LOC128125817: variants seen among roughly 807,000 people sequenced by gnomAD.
At chr1:41,598,153 C>T in the LOC128125817 span, among the ~76,000 whole-genome samples, 1 of 152,126 alleles carries the variant, frequency 6.6e-6, no homozygotes, top group African/African-American at 2.4e-5. Context: ...TTGCGCAGGC[C>T]CAGCAGGCTT....
the LOC128125817 span, among the ~76,000 whole-genome samples, chr1:41,611,875 T>G: frequency 1.4e-4 from 22 of 152,314 alleles, no homozygotes; most frequent in East Asian, 3.9e-3. Flanking sequence ...GCCTGGGAAC[T>G]CCGGTTGCCT....
the LOC128125817 span, among the ~76,000 whole-genome samples, chr1:41,622,889 G>A: frequency 6.6e-6 from 1 of 152,234 alleles, no homozygotes; most frequent in Admixed American, 6.5e-5. Flanking sequence ...GTTGCTATGT[G>A]CCCACACTGG....
At chr1:41,628,105 A>T in the LOC128125817 span, among the ~76,000 whole-genome samples, 1 of 152,186 alleles carries the variant, frequency 6.6e-6, no homozygotes, top group Non-Finnish European at 1.5e-5. Context: ...ATATAAACAT[A>T]AGCTGATACC....
the LOC128125817 span, among the ~76,000 whole-genome samples, chr1:41,602,003 T>C: frequency 6.6e-6 from 1 of 152,020 alleles, no homozygotes; most frequent in Non-Finnish European, 1.5e-5. Context: ...GAGATGCTCA[T>C]GTGATTTTAA....
chr1:41,628,792 G>C, the LOC128125817 span: 10 of 1,231,958 alleles, frequency 8.1e-6, no homozygotes, highest in Non-Finnish European at 1.0e-5. Flanking sequence ...CTGAAACGCT[G>C]TTCTCTCTGA....
chr1:41,593,226 C>T, the LOC128125817 span, among the ~76,000 whole-genome samples: 1 of 152,192 alleles, frequency 6.6e-6, no homozygotes, highest in African/African-American at 2.4e-5. Flanking sequence ...ATCTCCCTGT[C>T]CCCACATGCC....
At chr1:41,600,796 T>G in the LOC128125817 span, among the ~76,000 whole-genome samples, 1 of 152,180 alleles carries the variant, frequency 6.6e-6, no homozygotes, top group Admixed American at 6.5e-5. Flanking sequence ...TCCCCTATGT[T>G]TTCTTCTAGA....
the LOC128125817 span, among the ~76,000 whole-genome samples, chr1:41,603,322 C>A: frequency 6.6e-6 from 1 of 152,002 alleles, no homozygotes; most frequent in African/African-American, 2.4e-5. Context: ...CCCACCTCGG[C>A]CTCCCAAAGC....
chr1:41,622,744 C>T, the LOC128125817 span, among the ~76,000 whole-genome samples: 6 of 152,152 alleles, frequency 3.9e-5, no homozygotes, highest in Non-Finnish European at 7.3e-5. Flanking sequence ...CTATCACTCT[C>T]GGATCATGCT....
chr1:41,592,976 CA>C, the LOC128125817 span, among the ~76,000 whole-genome samples: 3 of 152,202 alleles, frequency 2.0e-5, no homozygotes, highest in Non-Finnish European at 4.4e-5. Flanking sequence ...TCACCACCTC[CA>C]CCCCTGTCCC....
chr1:41,607,778 G>A, the LOC128125817 span, among the ~76,000 whole-genome samples: 2 of 152,160 alleles, frequency 1.3e-5, no homozygotes, highest in African/African-American at 2.4e-5. Flanking sequence ...TGGCTTAGAC[G>A]AGACAGTTTA....
the LOC128125817 span, among the ~76,000 whole-genome samples, chr1:41,590,672 T>C: frequency 6.6e-6 from 1 of 152,122 alleles, no homozygotes; most frequent in Non-Finnish European, 1.5e-5. Flanking sequence ...ATCCAGGGGA[T>C]TGGAGTGTGA....
chr1:41,624,957 A>C, the LOC128125817 span, among the ~76,000 whole-genome samples: 1 of 152,170 alleles, frequency 6.6e-6, no homozygotes, highest in Non-Finnish European at 1.5e-5. Flanking sequence ...CAAGGTCAGG[A>C]GTTTGAGACC....
the LOC128125817 span, among the ~76,000 whole-genome samples, chr1:41,603,073 T>C: frequency 1.3e-5 from 2 of 152,124 alleles, no homozygotes; most frequent in Non-Finnish European, 2.9e-5. Context: ...TTATTTTTAT[T>C]TTTTATTTTT....
the LOC128125817 span, among the ~76,000 whole-genome samples, chr1:41,616,185 A>G: frequency 6.6e-6 from 1 of 152,112 alleles, no homozygotes; most frequent in East Asian, 1.9e-4. Context: ...TCATGGTGTC[A>G]TGGTTGGCAT....
chr1:41,606,972 G>A, the LOC128125817 span, among the ~76,000 whole-genome samples: 4 of 151,780 alleles, frequency 2.6e-5, no homozygotes, highest in Non-Finnish European at 5.9e-5. Flanking sequence ...TAAAATCTGT[G>A]TGTGTTTCTT....
the LOC128125817 span, among the ~76,000 whole-genome samples, chr1:41,586,599 T>G: frequency 0.87 from 133,213 of 152,268 alleles, 59,605 homozygotes; most frequent in Non-Finnish European, 0.98. Flanking sequence ...CTCACACTCT[T>G]CGTTTCACTA....
chr1:41,616,569 C>CT, the LOC128125817 span, among the ~76,000 whole-genome samples: 74,220 of 127,602 alleles, frequency 0.58, 21,689 homozygotes, highest in African/African-American at 0.65. Flanking sequence ...ATAGCAATTA[C>CT]TTTTTTTTTT....
At chr1:41,602,252 C>T in the LOC128125817 span, among the ~76,000 whole-genome samples, 3 of 152,030 alleles carry the variant, frequency 2.0e-5, no homozygotes, top group Non-Finnish European at 4.4e-5. Flanking sequence ...GTAATGCTAG[C>T]CTCATAAAAT....
Sources: gnomAD v4.1 joint callset for allele counts (sites outside exome capture counted in the v4.1 genomes callset) on GRCh38, gnomAD v4.1.1 for gene constraint, MANE v1.5 for transcripts.